The following GPC6 variants were observed in gnomAD, a reference collection of about 807,000 sequenced individuals.
GPC6 encodes the protein glypican 6.
GPC6 carries 14 observed loss-of-function variants against 55.2 expected under a neutral mutation model. The observed-to-expected ratio is 0.25, with a 90% CI of 0.17 to 0.40. The LOEUF is 0.40. Ranked by LOEUF, GPC6 falls within the 10% of genes least tolerant of loss-of-function variation. The pLI is 1.00. For synonymous variants in GPC6, 278 were observed against 259.6 expected (o/e 1.07, Z -0.68); for missense variants, 641 against 708.5 (o/e 0.90, Z 1.08).
At chr13:93,887,977 T>G (rs146108011) in intron 3 of GPC6, among the ~76,000 whole-genome samples, 86 of 152,188 alleles carry the variant, frequency 5.7e-4, no homozygotes, top group Middle Eastern at 3.4e-3. Flanking sequence ...CCATCTGGGG[T>G]CCACTCCATA....
chr13:93,899,998 A>T (rs951444207), intron 3 of GPC6, among the ~76,000 whole-genome samples: 4 of 152,280 alleles, frequency 2.6e-5, no homozygotes, highest in African/African-American at 9.6e-5. Context: ...TCCCAGCCAC[A>T]CTAATGCATC....
At chr13:93,959,881 G>A (rs1478771222) in intron 3 of GPC6, among the ~76,000 whole-genome samples, 1 of 152,206 alleles carries the variant, frequency 6.6e-6, no homozygotes, top group Non-Finnish European at 1.5e-5. Context: ...CACGCAGCTA[G>A]TAAGTGTCAA....
intron 1 of GPC6, among the ~76,000 whole-genome samples, chr13:93,364,231 AT>A (rs1434296815): frequency 6.6e-6 from 1 of 152,120 alleles, no homozygotes; most frequent in Non-Finnish European, 1.5e-5. Context: ...CTTAGTAAAT[AT>A]AAGCAATAAA....
At chr13:93,709,706 A>G (rs935312480) in intron 2 of GPC6, among the ~76,000 whole-genome samples, 4 of 151,788 alleles carry the variant, frequency 2.6e-5, no homozygotes, top group South Asian at 2.1e-4. Context: ...TACATTGTGT[A>G]TCTCCAAACT....
chr13:93,317,639 C>G (rs1405601884), intron 1 of GPC6, among the ~76,000 whole-genome samples: 1 of 152,142 alleles, frequency 6.6e-6, no homozygotes, highest in African/African-American at 2.4e-5. Context: ...GGAATCAATG[C>G]TGAACCTCTG....
intron 3 of GPC6, among the ~76,000 whole-genome samples, chr13:93,890,571 G>A (rs182448629): frequency 1.1e-3 from 174 of 152,060 alleles, no homozygotes; most frequent in African/African-American, 4.2e-3. Context: ...TTTGGAATGG[G>A]GGTTAGGACA....
At chr13:93,893,062 T>G (rs1277451859) in intron 3 of GPC6, among the ~76,000 whole-genome samples, 2 of 151,284 alleles carry the variant, frequency 1.3e-5, no homozygotes, top group Non-Finnish European at 3.0e-5. Flanking sequence ...CCATTAAATT[T>G]TTTTTTTTTT....
In GPC6 at chr13:93,647,558, C is replaced by T. The variant is rs571745023; in HGVS notation, c.319+102137C>T. Among the ~76,000 whole-genome samples, 6 of 152,232 alleles carry T rather than the reference C, an allele frequency of 3.9e-5. No homozygotes were observed. In the South Asian group the frequency reaches 1.2e-3, roughly 32 times the overall value. On this transcript the variant is annotated intron_variant, in intron 2 of 8. Coordinates refer to ENST00000377047, the MANE Select transcript of GPC6 (RefSeq NM_005708.5). ...CCTCGATGCTGAGGCCTGCAGAGAC[C>T]AGACATGACTTAGGACGTGGATGAG...
chr13:94,167,194 G>A (rs1888397628), intron 4 of GPC6, among the ~76,000 whole-genome samples: 1 of 152,102 alleles, frequency 6.6e-6, no homozygotes, highest in Admixed American at 6.6e-5. Context: ...GACAACTTAT[G>A]GTCCAAAGTA....
At chr13:93,420,324 G>T (rs769974475) in intron 1 of GPC6, among the ~76,000 whole-genome samples, 19 of 152,148 alleles carry the variant, frequency 1.2e-4, no homozygotes, top group Non-Finnish European at 1.9e-4. Flanking sequence ...AGTCAGGAAA[G>T]GTCTTTTGAG....
intron 2 of GPC6, among the ~76,000 whole-genome samples, chr13:93,573,601 G>A (rs1193308879): frequency 6.6e-6 from 1 of 152,056 alleles, no homozygotes; most frequent in Non-Finnish European, 1.5e-5. Context: ...AGGAAAGCAC[G>A]TAAGTCGATA....
chr13:94,179,061 T>C (rs1222636826), intron 4 of GPC6, among the ~76,000 whole-genome samples: 1 of 152,228 alleles, frequency 6.6e-6, no homozygotes, highest in Non-Finnish European at 1.5e-5. Flanking sequence ...GTTTCAGGCT[T>C]TGAATCTGGC....
intron 3 of GPC6, among the ~76,000 whole-genome samples, chr13:93,858,134 A>C (rs1053191574): frequency 1.3e-5 from 2 of 151,560 alleles, no homozygotes; most frequent in African/African-American, 4.8e-5. Context: ...TAACAGTTTG[A>C]CTGATTAGTT....
chr13:93,736,883 A>G (rs1884022857), intron 2 of GPC6, among the ~76,000 whole-genome samples: 1 of 152,200 alleles, frequency 6.6e-6, no homozygotes, highest in Non-Finnish European at 1.5e-5. Flanking sequence ...ATTGAGTCCA[A>G]TAGCATGAGA....
chr13:94,262,790 G>A (rs1382655265), intron 4 of GPC6, among the ~76,000 whole-genome samples: 1 of 151,886 alleles, frequency 6.6e-6, no homozygotes, highest in Non-Finnish European at 1.5e-5. Flanking sequence ...GGAAGAAATT[G>A]TTGCCTATAA....
In GPC6 at chr13:94,070,277, T is replaced by C. The variant is rs570543185; in HGVS notation, c.877+42383T>C. 1.4e-4 allele frequency among the ~76,000 whole-genome samples: 22 copies of C among 152,228 alleles called. No homozygotes were observed. The South Asian group carries it at 4.6e-3, about 32-fold the overall frequency. ...GAGAACAGCACAGGAAAGACCCACC[T>C]CCATGACTGAATTACCTCCCACCAG... On this transcript the variant is annotated intron_variant, in intron 4 of 8. Coordinates refer to ENST00000377047, the MANE Select transcript of GPC6 (RefSeq NM_005708.5).
At chr13:93,494,291 C>G (rs1174212970) in intron 1 of GPC6, among the ~76,000 whole-genome samples, 3 of 137,708 alleles carry the variant, frequency 2.2e-5, no homozygotes, top group Non-Finnish European at 4.7e-5. Flanking sequence ...CCTTCTTTGT[C>G]TCTTTTGATC....
intron 1 of GPC6, among the ~76,000 whole-genome samples, chr13:93,257,578 C>G (rs1485264555): frequency 6.6e-6 from 1 of 152,174 alleles, no homozygotes; most frequent in Non-Finnish European, 1.5e-5. Context: ...TGAGCTCTCT[C>G]TAGGTCCCAC....
intron 1 of GPC6, among the ~76,000 whole-genome samples, chr13:93,533,889 TG>T (rs1420537556): frequency 1.3e-5 from 2 of 152,046 alleles, no homozygotes; most frequent in Admixed American, 1.3e-4. Flanking sequence ...TCCTGTTGCT[TG>T]CCCCTTCAGG....
Sources: allele counts gnomAD v4.1 joint callset (sites outside exome capture counted in the v4.1 genomes callset), GRCh38; gene constraint gnomAD v4.1.1; transcripts MANE v1.5; gene names NCBI Gene and HGNC (gene_info 2026-07-23, HGNC 2026-07-21).